ACP3: variants seen among roughly 807,000 people sequenced by gnomAD.
ACP3 encodes prostatic acid phosphatase.
ACP3 carries 38 observed loss-of-function variants against 45.6 expected under a neutral mutation model. The observed-to-expected ratio is 0.83, with a 90% CI of 0.64 to 1.09. The LOEUF (loss-of-function observed/expected upper bound fraction) is 1.09. ACP3 is among the 50% of genes least tolerant of loss of function. The probability of loss-of-function intolerance (pLI) is 0.00; values close to 1 mark genes in which losing one functional copy is unlikely to be tolerated. For synonymous variants in ACP3, 162 were observed against 164.7 expected, an observed-to-expected ratio of 0.98 and a Z score of 0.13; for missense variants, 466 against 463.2, an observed-to-expected ratio of 1.01 and a Z score of -0.05.
Position 132,364,856 on chromosome 3 carries a change from CAG to C in ACP3, c.1139-2845_1139-2844del, listed in dbSNP as rs151175397. Among the ~76,000 whole-genome samples, 664 of 152,342 alleles carry C rather than the reference CAG, an allele frequency of 4.4e-3. 3 individuals are homozygous for C. In the Middle Eastern group the frequency reaches 0.051, roughly 12 times the overall value. The stretch of plus-strand genomic sequence containing the variant: ...ATAACTGAAAATAAATTTCTAAATA[CAG>C]AGTCAGCCATGAAAATAGATTTTTA... On this transcript the variant is annotated intron_variant, in intron 10 of 10. Transcript: ENST00000351273.
intron 2 of ACP3, among the ~76,000 whole-genome samples, chr3:132,329,813 CATGTCTAACATACTCCCAAGG>C (rs1192264600): frequency 6.6e-6 from 1 of 151,920 alleles, no homozygotes; most frequent in Non-Finnish European, 1.5e-5. Flanking sequence ...TGCGATTCTG[CATGTCTAACATACTCCCAAGG>C]ATGACAATGG....
chr3:132,360,008 C>A (rs1222245599), downstream of ACP3, among the ~76,000 whole-genome samples: 3 of 152,184 alleles, frequency 2.0e-5, no homozygotes, highest in African/African-American at 7.2e-5. Context: ...AATATTTGAA[C>A]TTCTGTAAAG....
intron 4 of ACP3, among the ~76,000 whole-genome samples, chr3:132,334,956 A>G (rs59048683): frequency 0.053 from 8,089 of 152,206 alleles, 280 homozygotes; most frequent in Middle Eastern, 0.16. Context: ...GGGATTTGTG[A>G]AAGTCAAGTT....
In ACP3 at chr3:132,324,987, C is replaced by G. The variant is rs185292351; in HGVS notation, c.121-3280C>G. On this transcript the variant is annotated intron_variant, in intron 1 of 9. Transcript: ENST00000336375. ...TGTCTTTCTATTACAATTACCACTA[C>G]TACTGCAAAAATCCTAATTGCTAAT... Among the ~76,000 whole-genome samples, 12 of 152,286 alleles carry G rather than the reference C, an allele frequency of 7.9e-5. No homozygotes were observed. The East Asian group carries it at 2.3e-3, about 29-fold the overall frequency.
Position 132,349,908 on chromosome 3 carries a change from A to G in ACP3, c.782-12A>G. 1 of 1,596,162 alleles carries G rather than the reference A, an allele frequency of 6.3e-7. No homozygotes were observed. The highest frequency in any genetic ancestry group is 1.3e-5 in the African/African-American group (1 of 74,698). ...TTTGGTTCAGTTTGGTTATTGATTC[A>G]TCTTCTTTAAGGTGTCCTGGTCAAT... On this transcript the variant is annotated splice_polypyrimidine_tract_variant and intron_variant, in intron 7 of 9. Transcript: ENST00000336375.
At chr3:132,347,221 G>A (rs763823189) in intron 7 of ACP3, among the ~76,000 whole-genome samples, 28 of 152,144 alleles carry the variant, frequency 1.8e-4, no homozygotes, top group African/African-American at 2.9e-4. Flanking sequence ...AAAGTCCAGC[G>A]CCATTGTTAA....
chr3:132,327,450 G>T (rs1186797380), intron 1 of ACP3, among the ~76,000 whole-genome samples: 2 of 151,140 alleles, frequency 1.3e-5, no homozygotes, highest in Non-Finnish European at 2.9e-5. Context: ...GGAGGCAGAG[G>T]CTACAGCGAG....
intron 10 of ACP3, among the ~76,000 whole-genome samples, chr3:132,365,246 T>A (rs1311153844): frequency 6.6e-6 from 1 of 152,222 alleles, no homozygotes; most frequent in African/African-American, 2.4e-5. Flanking sequence ...GAGGGATAGA[T>A]AACAAATAAT....
At chr3:132,343,114 C>A (rs934779113) in intron 6 of ACP3, among the ~76,000 whole-genome samples, 12 of 152,130 alleles carry the variant, frequency 7.9e-5, no homozygotes, top group African/African-American at 2.7e-4. Context: ...TCTTGCTTTG[C>A]GATGCATTTG....
chr3:132,342,889 G>A lies in ACP3; in HGVS notation c.648+245G>A, dbSNP rs560370925. ...ACAAGCAAAATTGCTTTTCTTCTAT[G>A]AGTTTCCACTTTAGTTTTTTCCCCC... On this transcript the variant is annotated intron_variant, in intron 6 of 9. Coordinates refer to ENST00000336375, the MANE Select transcript of ACP3 (RefSeq NM_001099.5). 1.0e-3 allele frequency among the ~76,000 whole-genome samples: 147 copies of A among 141,350 alleles called. 1 individual carries two copies. Among genetic ancestry groups the A allele is most frequent in the South Asian group, 0.01 (43 of 4,290 alleles). The allele number at this position is 141,350 out of a possible 152,430, so 92.7% of individuals were successfully genotyped here. A position where few individuals can be genotyped will look rare whatever the true frequency, so the allele number is the denominator to read the frequency against.
At chr3:132,320,906 C>T (rs1937195784) in intron 1 of ACP3, among the ~76,000 whole-genome samples, 1 of 152,146 alleles carries the variant, frequency 6.6e-6, no homozygotes, top group Non-Finnish European at 1.5e-5. Flanking sequence ...CAGCCTTGGC[C>T]TCCCAAAGGG....
chr3:132,324,323 A>G (rs1937258287), intron 1 of ACP3, among the ~76,000 whole-genome samples: 1 of 152,032 alleles, frequency 6.6e-6, no homozygotes, highest in African/African-American at 2.4e-5. Context: ...GCCACATGCC[A>G]GATTTGTTTA....
intron 3 of ACP3, 27 bp downstream of exon 3, chr3:132,331,760 C>T: frequency 6.6e-7 from 1 of 1,522,746 alleles, no homozygotes; most frequent in Non-Finnish European, 9.0e-7. Context: ...AGAGTGGGAA[C>T]TTTGATCTTT....
chr3:132,335,943 T>C (rs1220811769), intron 4 of ACP3, among the ~76,000 whole-genome samples: 1 of 152,146 alleles, frequency 6.6e-6, no homozygotes, highest in Non-Finnish European at 1.5e-5. Flanking sequence ...ATCTGATCGA[T>C]ACTTTAAAAA....
intron 10 of ACP3, among the ~76,000 whole-genome samples, chr3:132,364,081 T>C (rs1001292264): frequency 4.6e-5 from 7 of 152,170 alleles, no homozygotes; most frequent in Non-Finnish European, 1.0e-4. Flanking sequence ...CAGTGGCTCA[T>C]GCCTGTAATC....
intron 1 of ACP3, among the ~76,000 whole-genome samples, chr3:132,319,220 C>G (rs920874249): frequency 8.5e-5 from 13 of 152,230 alleles, no homozygotes; most frequent in African/African-American, 2.9e-4. Context: ...CAATAAACAT[C>G]AGTTTCTTAT....
Position 132,357,435 on chromosome 3 carries a change from A to C in ACP3, c.*557A>C, listed in dbSNP as rs1418427860. On this transcript the variant is annotated 3_prime_UTR_variant, in exon 10 of 10. Coordinates refer to ENST00000336375, the MANE Select transcript of ACP3 (RefSeq NM_001099.5). ...TGGAGACATCTGGAAAGTTTTCTCC[A>C]CTGGAAAACTGCTACTATCTGTTTT... 2 of 985,364 alleles carry C rather than the reference A, an allele frequency of 2.0e-6. No homozygotes were observed. Among genetic ancestry groups the C allele is most frequent in the South Asian group, 9.4e-5 (2 of 21,286 alleles). The allele number at this position is 985,364 out of a possible 1,614,324, so 61.0% of individuals were successfully genotyped here.
At position 132,358,603 on chromosome 3, in the gene ACP3, A is replaced by T. The variant is rs1459804099; in HGVS notation, c.*1725A>T. 1 of 1,085,228 alleles carries T rather than the reference A, an allele frequency of 9.2e-7. No homozygotes were observed. The highest frequency in any genetic ancestry group is 7.8e-5 in the East Asian group (1 of 12,876). The allele number at this position is 1,085,228 out of a possible 1,614,324, so 67.2% of individuals were successfully genotyped here. A position where few individuals can be genotyped will look rare whatever the true frequency, so the allele number is the denominator to read the frequency against. On this transcript the variant is annotated 3_prime_UTR_variant, in exon 10 of 10. Transcript: ENST00000336375. ...GCCATCCCCGCTCCTGGTTGGTCAC[A>T]GAATGACTGACAAAGACATCGATTG...
At chr3:132,360,934 C>G (rs1938029790), downstream of ACP3, among the ~76,000 whole-genome samples, 1 of 152,182 alleles carries the variant, frequency 6.6e-6, no homozygotes, top group South Asian at 2.1e-4. Context: ...ATGTCCAGCC[C>G]TGCATACCTA....
Sources: gnomAD v4.1 joint callset for allele counts (sites outside exome capture counted in the v4.1 genomes callset) on GRCh38, gnomAD v4.1.1 for gene constraint, MANE v1.5 for transcripts, NCBI Gene and HGNC (gene_info 2026-07-23, HGNC 2026-07-21) for gene names.